Variants in RPS6KC1 observed in about 807,000 individuals in gnomAD.
The protein encoded by RPS6KC1 is ribosomal protein S6 kinase C1, also known as inactive ribosomal protein S6 kinase delta-1.
A neutral mutation model predicts 103.8 loss-of-function variants in RPS6KC1; 54 were observed. That is an observed-to-expected ratio of 0.52 (90% CI 0.42 to 0.65). The LOEUF is 0.65. Among genes scored for constraint, RPS6KC1 ranks in the 30% least tolerant of loss-of-function variants. The pLI is 0.00. For synonymous variants in RPS6KC1, 439 were observed against 438.7 expected (o/e 1.00, Z -0.01); for missense variants, 1,151 against 1,253.8 (o/e 0.92, Z 1.24).
chr1:213,807,764 C>T, the RPS6KC1 span, among the ~76,000 whole-genome samples: 3 of 152,228 alleles, frequency 2.0e-5, no homozygotes, highest in Non-Finnish European at 4.4e-5. Context: ...CTGAAGCCTT[C>T]TTCTCTCATC....
chr1:213,072,219 T>C (rs920228802), intron 2 of RPS6KC1, among the ~76,000 whole-genome samples: 4 of 152,142 alleles, frequency 2.6e-5, no homozygotes, highest in Non-Finnish European at 4.4e-5. Flanking sequence ...CCCACTACTC[T>C]ACAGAAAATA....
the RPS6KC1 span, among the ~76,000 whole-genome samples, chr1:213,415,586 T>C: frequency 1.3e-5 from 2 of 152,082 alleles, no homozygotes; most frequent in African/African-American, 4.8e-5. Context: ...GGCGAAGCGG[T>C]AGGGATGGGA....
the RPS6KC1 span, among the ~76,000 whole-genome samples, chr1:213,351,585 C>T: frequency 6.6e-6 from 1 of 152,080 alleles, no homozygotes; most frequent in Non-Finnish European, 1.5e-5. Flanking sequence ...ATCAAGTGCC[C>T]AGAACTGAAT....
the RPS6KC1 span, among the ~76,000 whole-genome samples, chr1:213,646,899 T>TTTTTG: frequency 9.9e-6 from 1 of 100,544 alleles, no homozygotes; most frequent in African/African-American, 3.9e-5. Flanking sequence ...ATATATATAT[T>TTTTTG]TTTGTTTGTT....
At chr1:213,487,304 G>T in the RPS6KC1 span, among the ~76,000 whole-genome samples, 1 of 152,156 alleles carries the variant, frequency 6.6e-6, no homozygotes. Flanking sequence ...GCTGAGGTAG[G>T]AAAATTGCTT....
At chr1:213,651,556 C>A in the RPS6KC1 span, among the ~76,000 whole-genome samples, 1 of 152,090 alleles carries the variant, frequency 6.6e-6, no homozygotes, top group South Asian at 2.1e-4. Context: ...AATATCATGC[C>A]CTGTTCACAA....
chr1:213,052,393 A>C (rs1248334310), intron 1 of RPS6KC1, among the ~76,000 whole-genome samples: 1 of 152,180 alleles, frequency 6.6e-6, no homozygotes, highest in Non-Finnish European at 1.5e-5. Context: ...GCAGTAGCAG[A>C]TCTGTCTGGG....
chr1:213,759,789 T>C, the RPS6KC1 span, among the ~76,000 whole-genome samples: 1 of 152,220 alleles, frequency 6.6e-6, no homozygotes. Flanking sequence ...TTTAGCTCTG[T>C]CAGTATTGTG....
Position 213,196,561 on chromosome 1 carries a change from T to C in RPS6KC1, c.1044+20069T>C, listed in dbSNP as rs372113734. 8.5e-5 allele frequency among the ~76,000 whole-genome samples: 13 copies of C among 152,344 alleles called. No homozygotes were observed. In the East Asian group the frequency reaches 2.5e-3, roughly 29 times the overall value. On this transcript the variant is annotated intron_variant, in intron 8 of 14. Transcript: ENST00000366960. The stretch of plus-strand genomic sequence containing the variant: ...TTGGTCATGAACTCTTTGCCTAAGC[T>C]AATGTCTAGAAGAGTTTTTCTGATG...
At chr1:213,840,354 G>A in the RPS6KC1 span, among the ~76,000 whole-genome samples, 1 of 152,090 alleles carries the variant, frequency 6.6e-6, no homozygotes, top group Admixed American at 6.5e-5. Context: ...AGTATGTGCT[G>A]GGCACATAAT....
At chr1:213,583,831 AAAAAAAAGAAAAAAG>A in the RPS6KC1 span, among the ~76,000 whole-genome samples, 412 of 145,164 alleles carry the variant, frequency 2.8e-3, 2 homozygotes, top group African/African-American at 0.01. Context: ...AAAAAAAAAA[AAAAAAAAGAAAAAAG>A]AAAAAAAAAG....
At chr1:213,316,377 C>T in the RPS6KC1 span, among the ~76,000 whole-genome samples, 1 of 152,174 alleles carries the variant, frequency 6.6e-6, no homozygotes, top group African/African-American at 2.4e-5. Context: ...TCAGTTTCCA[C>T]TCAAGTAGGG....
chr1:213,644,636 G>T, the RPS6KC1 span, among the ~76,000 whole-genome samples: 1 of 151,390 alleles, frequency 6.6e-6, no homozygotes, highest in Admixed American at 6.6e-5. Flanking sequence ...AGCCTTTTTA[G>T]TTTGGCTCCT....
the RPS6KC1 span, among the ~76,000 whole-genome samples, chr1:213,762,026 G>A: frequency 6.6e-6 from 1 of 151,956 alleles, no homozygotes; most frequent in East Asian, 1.9e-4. Flanking sequence ...GTGGGAGAAA[G>A]GGAGAGGGAA....
the RPS6KC1 span, among the ~76,000 whole-genome samples, chr1:213,460,390 G>A: frequency 6.6e-6 from 1 of 150,526 alleles, no homozygotes; most frequent in Non-Finnish European, 1.5e-5. Context: ...TCAGAGACTG[G>A]GATTGCAACC....
chr1:213,857,859 C>T, the RPS6KC1 span, among the ~76,000 whole-genome samples: 1 of 152,190 alleles, frequency 6.6e-6, no homozygotes, highest in Non-Finnish European at 1.5e-5. Context: ...CCCATCAGCA[C>T]CACTGCTCAC....
chr1:213,538,836 A>G, the RPS6KC1 span, among the ~76,000 whole-genome samples: 2 of 152,196 alleles, frequency 1.3e-5, no homozygotes, highest in Non-Finnish European at 2.9e-5. Context: ...ATCACCCTAT[A>G]CTTATTTTGA....
the RPS6KC1 span, among the ~76,000 whole-genome samples, chr1:213,656,900 T>C: frequency 1.3e-5 from 2 of 152,224 alleles, no homozygotes; most frequent in African/African-American, 4.8e-5. Flanking sequence ...TTCTCTACCT[T>C]ACATTACTTT....
the RPS6KC1 span, among the ~76,000 whole-genome samples, chr1:213,448,966 C>T: frequency 1.3e-5 from 2 of 152,266 alleles, no homozygotes; most frequent in South Asian, 2.1e-4. Flanking sequence ...GGCCTCAACT[C>T]GGGAAGTCTT....
Sources: allele counts gnomAD v4.1 joint callset (sites outside exome capture counted in the v4.1 genomes callset), GRCh38; gene constraint gnomAD v4.1.1; transcripts MANE v1.5; gene names NCBI Gene and HGNC (gene_info 2026-07-23, HGNC 2026-07-21).